ROBO2: variants seen among roughly 807,000 people sequenced by gnomAD.
The protein encoded by ROBO2 is roundabout homolog 2.
ROBO2 carries 53 observed loss-of-function variants against 160.8 expected under a neutral mutation model. The ratio of observed to expected loss-of-function variants is 0.33; its 90% CI spans 0.26 to 0.41. ROBO2 has a LOEUF of 0.41. Among genes scored for constraint, ROBO2 ranks in the 10% least tolerant of loss-of-function variants. The pLI is 1.00. For missense variants in ROBO2, 1,577 were observed against 1,722.4 expected, an observed-to-expected ratio of 0.92 and a Z score of 1.49; for synonymous variants, 664 against 611.7, an observed-to-expected ratio of 1.09 and a Z score of -1.26.
At chr3:77,323,576 T>G (rs2065042059) in intron 2 of ROBO2, among the ~76,000 whole-genome samples, 1 of 152,176 alleles carries the variant, frequency 6.6e-6, no homozygotes, top group Admixed American at 6.5e-5. Context: ...AGTGCATGCC[T>G]TTGGACTCTA....
chr3:77,437,642 C>T (rs2079435969), intron 2 of ROBO2, among the ~76,000 whole-genome samples: 1 of 151,860 alleles, frequency 6.6e-6, no homozygotes, highest in African/African-American at 2.4e-5. Flanking sequence ...AGAAAAGCTC[C>T]TTTATTACAT....
At chr3:76,718,388 C>T (rs2093415140) in intron 2 of ROBO2, among the ~76,000 whole-genome samples, 1 of 152,316 alleles carries the variant, frequency 6.6e-6, no homozygotes, top group Non-Finnish European at 1.5e-5. Flanking sequence ...CAACTTAAAT[C>T]TAAGTGGTTA....
chr3:76,097,446 A>C (rs1230401620), intron 2 of ROBO2, among the ~76,000 whole-genome samples: 1 of 152,098 alleles, frequency 6.6e-6, no homozygotes, highest in Non-Finnish European at 1.5e-5. Context: ...TGCATAGATG[A>C]GTTCCTGGTG....
intron 2 of ROBO2, among the ~76,000 whole-genome samples, chr3:77,349,364 C>T (rs1056914198): frequency 6.6e-6 from 1 of 152,066 alleles, no homozygotes; most frequent in South Asian, 2.1e-4. Flanking sequence ...ACTCCTAACC[C>T]GGTTTCCATT....
At chr3:76,915,671 C>CAA (rs372827394) in intron 2 of ROBO2, among the ~76,000 whole-genome samples, 1,380 of 96,336 alleles carry the variant, frequency 0.014, 40 homozygotes, top group African/African-American at 0.045. Flanking sequence ...CTCTCGCTCT[C>CAA]AAAAAAAAAA....
At chr3:76,833,478 G>A (rs2067258602) in intron 2 of ROBO2, among the ~76,000 whole-genome samples, 1 of 152,118 alleles carries the variant, frequency 6.6e-6, no homozygotes, top group African/African-American at 2.4e-5. Context: ...TTATTTAGAA[G>A]ACAAAACGAT....
At chr3:77,104,317 T>C (rs1231816761) in intron 2 of ROBO2, among the ~76,000 whole-genome samples, 1 of 152,206 alleles carries the variant, frequency 6.6e-6, no homozygotes, top group Non-Finnish European at 1.5e-5. Context: ...TCATACAATA[T>C]ATTGTCTTGT....
intron 20 of ROBO2, chr3:77,602,905 C>T (rs549336542): frequency 1.1e-5 from 5 of 460,366 alleles, no homozygotes; most frequent in South Asian, 6.2e-5. Flanking sequence ...TCACATGATG[C>T]CACTATGACC....
At chr3:76,800,703 A>T (rs1392240045) in intron 2 of ROBO2, among the ~76,000 whole-genome samples, 4 of 152,208 alleles carry the variant, frequency 2.6e-5, no homozygotes, top group African/African-American at 9.6e-5. Flanking sequence ...AAAGGCTTAT[A>T]TGCAAAAGGC....
chr3:76,684,628 T>C (rs1185009922), intron 2 of ROBO2, among the ~76,000 whole-genome samples: 1 of 152,150 alleles, frequency 6.6e-6, no homozygotes, highest in Non-Finnish European at 1.5e-5. Context: ...TCATAAAACA[T>C]AGAACTGTAT....
chr3:76,258,174 AG>A (rs1706523462), intron 2 of ROBO2, among the ~76,000 whole-genome samples: 1 of 151,938 alleles, frequency 6.6e-6, no homozygotes, highest in South Asian at 2.1e-4. Context: ...CCAACATAAA[AG>A]TTTCTCCATT....
intron 2 of ROBO2, among the ~76,000 whole-genome samples, chr3:76,182,238 G>A (rs1448667912): frequency 6.6e-6 from 1 of 152,062 alleles, no homozygotes; most frequent in Non-Finnish European, 1.5e-5. Context: ...TTGTGCAATT[G>A]TTTGTTTATT....
intron 2 of ROBO2, among the ~76,000 whole-genome samples, chr3:77,023,815 G>A (rs1279118808): frequency 6.6e-6 from 1 of 152,076 alleles, no homozygotes; most frequent in Non-Finnish European, 1.5e-5. Flanking sequence ...GAGTCTGTTA[G>A]CCTACGATAT....
intron 2 of ROBO2, among the ~76,000 whole-genome samples, chr3:76,492,564 A>G (rs1032519233): frequency 6.6e-6 from 1 of 151,898 alleles, no homozygotes; most frequent in Non-Finnish European, 1.5e-5. Flanking sequence ...GCATAAAGAA[A>G]AAAAAAACAG....
At chr3:76,597,714 G>T (rs1040643922) in intron 2 of ROBO2, among the ~76,000 whole-genome samples, 3 of 151,982 alleles carry the variant, frequency 2.0e-5, no homozygotes, top group Admixed American at 1.3e-4. Flanking sequence ...GCTTAAGCAG[G>T]CCCCAGTGTC....
intron 2 of ROBO2, among the ~76,000 whole-genome samples, chr3:76,457,032 G>A (rs965403486): frequency 6.6e-6 from 1 of 152,124 alleles, no homozygotes; most frequent in Non-Finnish European, 1.5e-5. Flanking sequence ...ATGAGATTTG[G>A]TGGAGACACA....
chr3:76,253,671 G>A (rs1342677369), intron 2 of ROBO2, among the ~76,000 whole-genome samples: 1 of 150,946 alleles, frequency 6.6e-6, no homozygotes, highest in Middle Eastern at 3.2e-3. Flanking sequence ...ATTCTGAAAA[G>A]AGCAACAAAT....
At chr3:76,554,071 C>T (rs1461516044) in intron 2 of ROBO2, among the ~76,000 whole-genome samples, 1 of 152,058 alleles carries the variant, frequency 6.6e-6, no homozygotes, top group African/African-American at 2.4e-5. Context: ...TATAATCACA[C>T]ACATGAAAAT....
chr3:76,010,987 C>G (rs2066175143), intron 2 of ROBO2, among the ~76,000 whole-genome samples: 1 of 152,154 alleles, frequency 6.6e-6, no homozygotes, highest in Non-Finnish European at 1.5e-5. Flanking sequence ...GAGCTATAAT[C>G]CTCATTAAGT....
Sources: gnomAD v4.1 joint callset for allele counts (sites outside exome capture counted in the v4.1 genomes callset) on GRCh38, gnomAD v4.1.1 for gene constraint, MANE v1.5 for transcripts, NCBI Gene and HGNC (gene_info 2026-07-23, HGNC 2026-07-21) for gene names.